FMN1: variants seen among roughly 807,000 people sequenced by gnomAD.
FMN1 encodes the protein formin 1, also known as formin-1.
In FMN1, 110 loss-of-function variants were observed where a neutral mutation model predicts 132.4. The ratio of observed to expected loss-of-function variants is 0.83; its 90% confidence interval spans 0.71 to 0.97. The LOEUF (loss-of-function observed/expected upper bound fraction) is 0.97. FMN1 is among the 50% of genes least tolerant of loss of function. FMN1 has a pLI of 0.00. For synonymous variants in FMN1, 722 were observed against 651.7 expected (o/e 1.11, Z -1.64); for missense variants, 1,792 against 1,705.3 (o/e 1.05, Z -0.90).
intron 5 of FMN1, among the ~76,000 whole-genome samples, chr15:33,083,616 G>C (rs2038573760): frequency 6.6e-6 from 1 of 152,126 alleles, no homozygotes; most frequent in Non-Finnish European, 1.5e-5. Context: ...CTCTTGATCT[G>C]GCTATTCATT....
At chr15:32,795,388 G>A (rs1258747) in intron 19 of FMN1, among the ~76,000 whole-genome samples, 104,828 of 151,980 alleles carry the variant, frequency 0.69, 36,918 homozygotes, top group Middle Eastern at 0.81. Flanking sequence ...GCAAAGGTGA[G>A]GGGCACTATG....
chr15:32,822,940 G>A (rs2058258004), intron 17 of FMN1, among the ~76,000 whole-genome samples: 1 of 151,962 alleles, frequency 6.6e-6, no homozygotes, highest in African/African-American at 2.4e-5. Flanking sequence ...TTCTGGACAC[G>A]GAACCAATCT....
At chr15:33,031,247 T>C (rs1321061799) in intron 6 of FMN1, among the ~76,000 whole-genome samples, 1 of 152,144 alleles carries the variant, frequency 6.6e-6, no homozygotes, top group Non-Finnish European at 1.5e-5. Flanking sequence ...ACTCAATAAA[T>C]GTCCATCGAG....
chr15:32,959,530 T>C (rs184589236), intron 9 of FMN1, among the ~76,000 whole-genome samples: 8 of 152,312 alleles, frequency 5.3e-5, no homozygotes, highest in Admixed American at 2.6e-4. Flanking sequence ...CAAAGCTCAG[T>C]AGACCCAATT....
intron 7 of FMN1, among the ~76,000 whole-genome samples, chr15:33,007,178 T>C (rs1341985938): frequency 6.6e-6 from 1 of 152,206 alleles, no homozygotes. Flanking sequence ...ATATACCGTA[T>C]ATATACAATT....
intron 7 of FMN1, among the ~76,000 whole-genome samples, chr15:32,971,478 CTT>C (rs2031787462): frequency 6.6e-6 from 1 of 152,138 alleles, no homozygotes; most frequent in Non-Finnish European, 1.5e-5. Context: ...TCGAGATAAT[CTT>C]TGTTTCAACA....
chr15:33,000,509 G>T (rs1168999626), intron 7 of FMN1, among the ~76,000 whole-genome samples: 1 of 151,440 alleles, frequency 6.6e-6, no homozygotes, highest in Non-Finnish European at 1.5e-5. Context: ...GAGCATAGTG[G>T]CTGACACCTG....
At chr15:33,009,681 T>C (rs1050759192) in intron 6 of FMN1, among the ~76,000 whole-genome samples, 1 of 152,234 alleles carries the variant, frequency 6.6e-6, no homozygotes, top group Admixed American at 6.5e-5. Flanking sequence ...CCCTATGATG[T>C]AGGTACCATT....
intron 5 of FMN1, chr15:33,068,073 T>C: frequency 2.8e-6 from 4 of 1,406,528 alleles, no homozygotes; most frequent in Non-Finnish European, 3.7e-6. Flanking sequence ...GTTTGTGCGA[T>C]GATGTGTTCC....
Position 32,771,301 on chromosome 15 carries a change from A to T in FMN1, c.*3009T>A, listed in dbSNP as rs904944995. 3.3e-5 allele frequency: 5 copies of T among 150,760 alleles called. No homozygotes were observed. The highest frequency in any genetic ancestry group is 1.2e-4 in the African/African-American group (5 of 40,824). The allele number at this position is 150,760 out of a possible 1,614,324, so 9.3% of individuals were successfully genotyped here. On this transcript the variant is annotated 3_prime_UTR_variant, in exon 21 of 21. Coordinates refer to ENST00000616417, the MANE Select transcript of FMN1 (RefSeq NM_001277313.2). ...CACCGTGTTAGCCAGGATGGTCTCA[A>T]TCTCCTGACCTCGTGATCCGCCCCC...
chr15:32,806,652 C>T (rs1414828185), intron 17 of FMN1, among the ~76,000 whole-genome samples: 1 of 152,230 alleles, frequency 6.6e-6, no homozygotes, highest in Non-Finnish European at 1.5e-5. Flanking sequence ...CTCTTTCCCA[C>T]ACCCCTTCCT....
chr15:33,013,152 T>A lies in FMN1; in HGVS notation c.2162-5077A>T, dbSNP rs75919903. On this transcript the variant is annotated intron_variant, in intron 6 of 20. Coordinates refer to ENST00000616417, the MANE Select transcript of FMN1 (RefSeq NM_001277313.2). ...TATAGGTTGCAACAGGTTTGTGAAC[T>A]CAGCAAAGCACAGTGGTGGCACAGG... 2,557 of 386,506 alleles carry A rather than the reference T, an allele frequency of 6.6e-3. 63 individuals are homozygous for A. Among genetic ancestry groups the A allele is most frequent in the African/African-American group, 0.048 (2,315 of 47,986 alleles). The allele number at this position is 386,506 out of a possible 1,614,324, so 23.9% of individuals were successfully genotyped here.
intron 8 of FMN1, among the ~76,000 whole-genome samples, 166 bp downstream of exon 8, chr15:32,968,544 GAGAC>G (rs1408275046): frequency 2.0e-5 from 3 of 152,174 alleles, no homozygotes; most frequent in South Asian, 2.1e-4. Flanking sequence ...GGCCCTGATG[GAGAC>G]AGACAATCTC....
intron 19 of FMN1, among the ~76,000 whole-genome samples, chr15:32,798,462 T>A (rs1250386925): frequency 6.6e-6 from 1 of 152,214 alleles, no homozygotes; most frequent in Non-Finnish European, 1.5e-5. Context: ...GTCTATACTG[T>A]CTGCGACAGC....
At chr15:32,786,937 G>C (rs2056899184) in intron 19 of FMN1, among the ~76,000 whole-genome samples, 1 of 152,168 alleles carries the variant, frequency 6.6e-6, no homozygotes, top group Non-Finnish European at 1.5e-5. Flanking sequence ...GAGCGAAATT[G>C]TTTCTCCAGG....
chr15:32,868,614 G>A (rs1209955645), intron 16 of FMN1, among the ~76,000 whole-genome samples: 6 of 152,234 alleles, frequency 3.9e-5, no homozygotes, highest in Non-Finnish European at 5.9e-5. Flanking sequence ...ACACCGACAC[G>A]TGAAAAACAT....
intron 4 of FMN1, among the ~76,000 whole-genome samples, chr15:33,151,617 G>A (rs1384399556): frequency 6.6e-6 from 1 of 152,178 alleles, no homozygotes; most frequent in Non-Finnish European, 1.5e-5. Flanking sequence ...TTACTAAAGA[G>A]CAATGTATTT....
At chr15:32,951,398 T>C (rs2061649782) in intron 9 of FMN1, among the ~76,000 whole-genome samples, 1 of 151,076 alleles carries the variant, frequency 6.6e-6, no homozygotes, top group Non-Finnish European at 1.5e-5. Context: ...TTCATTTGCT[T>C]TAACTGCATA....
At chr15:33,005,882 G>A (rs1244276400) in intron 7 of FMN1, among the ~76,000 whole-genome samples, 1 of 152,138 alleles carries the variant, frequency 6.6e-6, no homozygotes, top group Non-Finnish European at 1.5e-5. Context: ...TTTGTAACAA[G>A]GGAGATAAGG....
Sources: gnomAD v4.1 joint callset for allele counts (sites outside exome capture counted in the v4.1 genomes callset) on GRCh38, gnomAD v4.1.1 for gene constraint, MANE v1.5 for transcripts, NCBI Gene and HGNC (gene_info 2026-07-23, HGNC 2026-07-21) for gene names.